DCDC1: variants seen among roughly 807,000 people sequenced by gnomAD.
DCDC1 encodes doublecortin domain containing 1, also known as doublecortin domain-containing protein 1.
A neutral mutation model predicts 178.3 loss-of-function variants in DCDC1; 200 were observed. The observed-to-expected ratio is 1.12, with a 90% CI of 1.00 to 1.26. The LOEUF (loss-of-function observed/expected upper bound fraction) is 1.26, where lower values mean the gene tolerates loss of function less well. Among genes scored for constraint, DCDC1 ranks in the 50% most tolerant of loss-of-function variants. DCDC1 has a pLI of 0.00. For synonymous variants in DCDC1, 690 were observed against 604.8 expected, an observed-to-expected ratio of 1.14 and a Z score of -2.07; for missense variants, 1,983 against 1,749.2, an observed-to-expected ratio of 1.13 and a Z score of -2.38.
intron 8 of DCDC1, among the ~76,000 whole-genome samples, chr11:31,250,326 T>C (rs1943892211): frequency 6.8e-6 from 1 of 146,596 alleles, no homozygotes; most frequent in Non-Finnish European, 1.5e-5. Context: ...GAGTGGATGC[T>C]GCCTTGGCTC....
chr11:31,289,160 T>A (rs1319031014), intron 7 of DCDC1, among the ~76,000 whole-genome samples: 1 of 152,012 alleles, frequency 6.6e-6, no homozygotes, highest in Non-Finnish European at 1.5e-5. Context: ...CAACATTTCA[T>A]CTAAGAACAT....
At chr11:31,200,104 A>G (rs1971114786) in intron 9 of DCDC1, among the ~76,000 whole-genome samples, 1 of 152,138 alleles carries the variant, frequency 6.6e-6, no homozygotes, top group African/African-American at 2.4e-5. Context: ...GGTAATACTT[A>G]TGCCATCTCT....
chr11:31,280,818 C>T (rs1306132510), intron 7 of DCDC1: 2 of 619,422 alleles, frequency 3.2e-6, no homozygotes, highest in Non-Finnish European at 6.1e-6. Context: ...CAGGTGATGC[C>T]TTTGTTCTTA....
intron 9 of DCDC1, among the ~76,000 whole-genome samples, chr11:31,143,534 T>G (rs1367938517): frequency 6.6e-6 from 1 of 152,148 alleles, no homozygotes; most frequent in East Asian, 1.9e-4. Flanking sequence ...ATTTTTGAAC[T>G]TAAATATAAG....
chr11:30,868,608 G>A (rs2133906369), intron 38 of DCDC1, among the ~76,000 whole-genome samples: 1 of 152,196 alleles, frequency 6.6e-6, no homozygotes, highest in Non-Finnish European at 1.5e-5. Context: ...GCACCCAGGA[G>A]CTCCTGAAAG....
At chr11:31,170,735 A>G (rs531089444) in intron 9 of DCDC1, among the ~76,000 whole-genome samples, 2 of 152,320 alleles carry the variant, frequency 1.3e-5, no homozygotes, top group East Asian at 3.9e-4. Flanking sequence ...TGCCTACTAT[A>G]GGTTTACTCT....
intron 9 of DCDC1, among the ~76,000 whole-genome samples, chr11:31,215,519 G>C (rs1565448631): frequency 6.7e-6 from 1 of 149,512 alleles, no homozygotes; most frequent in African/African-American, 2.5e-5. Context: ...AGCAGGCCTG[G>C]CGCGGTAGCT....
chr11:31,202,121 T>G (rs1971355738), intron 9 of DCDC1, among the ~76,000 whole-genome samples: 2 of 152,210 alleles, frequency 1.3e-5, no homozygotes, highest in African/African-American at 4.8e-5. Context: ...TCATGTGCCA[T>G]GAAAAAATAC....
chr11:31,033,996 T>C (rs1482108605), intron 20 of DCDC1, among the ~76,000 whole-genome samples: 1 of 151,810 alleles, frequency 6.6e-6, no homozygotes, highest in African/African-American at 2.4e-5. Flanking sequence ...ATATAAAAAT[T>C]AGCTGGGTGT....
chr11:31,350,831 TTAAC>T (rs1279287865), intron 1 of DCDC1, among the ~76,000 whole-genome samples: 2 of 152,104 alleles, frequency 1.3e-5, no homozygotes, highest in East Asian at 1.9e-4. Flanking sequence ...TTTAAATAAT[TTAAC>T]TAAGTAATAG....
At chr11:31,349,475 G>A (rs973098558) in intron 1 of DCDC1, among the ~76,000 whole-genome samples, 2 of 152,074 alleles carry the variant, frequency 1.3e-5, no homozygotes, top group East Asian at 3.9e-4. Context: ...CCTCCAACTG[G>A]TTGAATTTTC....
intron 22 of DCDC1, among the ~76,000 whole-genome samples, chr11:30,925,749 G>A (rs1329745461): frequency 1.3e-5 from 2 of 152,114 alleles, no homozygotes; most frequent in African/African-American, 4.8e-5. Context: ...TAGTTCCTTG[G>A]TATGCCCCAC....
At chr11:31,115,123 A>T (rs1416337059) in intron 11 of DCDC1, among the ~76,000 whole-genome samples, 1 of 152,184 alleles carries the variant, frequency 6.6e-6, no homozygotes, top group African/African-American at 2.4e-5. Context: ...AGTACTAAAA[A>T]CATTTTATTG....
intron 1 of DCDC1, among the ~76,000 whole-genome samples, chr11:31,346,855 T>C (rs1950843638): frequency 6.6e-6 from 1 of 152,220 alleles, no homozygotes; most frequent in African/African-American, 2.4e-5. Context: ...TCCTCTTGTA[T>C]GTGTTTGAAA....
At chr11:31,202,142 G>A (rs1199059657) in intron 9 of DCDC1, among the ~76,000 whole-genome samples, 2 of 152,166 alleles carry the variant, frequency 1.3e-5, no homozygotes, top group Admixed American at 1.3e-4. Flanking sequence ...AAGAAGCACA[G>A]ACTATGCACC....
At chr11:31,180,519 C>T (rs1247991053) in intron 9 of DCDC1, among the ~76,000 whole-genome samples, 6 of 152,022 alleles carry the variant, frequency 3.9e-5, no homozygotes, top group East Asian at 3.9e-4. Context: ...CTCATTGGGA[C>T]GGGTTAGACA....
intron 9 of DCDC1, among the ~76,000 whole-genome samples, chr11:31,149,435 T>C (rs540748345): frequency 6.6e-6 from 1 of 152,018 alleles, no homozygotes; most frequent in Non-Finnish European, 1.5e-5. Flanking sequence ...CTCTGTAAAA[T>C]GGACCAATCA....
At chr11:31,200,481 T>A (rs1971161768) in intron 9 of DCDC1, among the ~76,000 whole-genome samples, 1 of 152,032 alleles carries the variant, frequency 6.6e-6, no homozygotes, top group Non-Finnish European at 1.5e-5. Context: ...CGATATAAAT[T>A]TTTGAGTAAG....
intron 3 of DCDC1, among the ~76,000 whole-genome samples, chr11:31,326,603 T>G (rs1949662627): frequency 6.6e-6 from 1 of 152,180 alleles, no homozygotes; most frequent in African/African-American, 2.4e-5. Flanking sequence ...ACACAGGGTA[T>G]TCATTTTTTT....
Sources: allele counts gnomAD v4.1 joint callset (sites outside exome capture counted in the v4.1 genomes callset), GRCh38; gene constraint gnomAD v4.1.1; transcripts MANE v1.5; gene names NCBI Gene and HGNC (gene_info 2026-07-23, HGNC 2026-07-21).